The following RSBN1L variants were observed in gnomAD, a reference collection of about 807,000 sequenced individuals.
The protein encoded by RSBN1L is lysine-specific demethylase RSBN1L.
A neutral mutation model predicts 67.7 loss-of-function variants in RSBN1L; 30 were observed. The observed-to-expected ratio is 0.44, with a 90% CI of 0.33 to 0.60. RSBN1L has a LOEUF of 0.60. Among genes scored for constraint, RSBN1L ranks in the 20% least tolerant of loss-of-function variants. The pLI, the probability that RSBN1L is intolerant of heterozygous loss-of-function variation, is 0.02. For missense variants in RSBN1L, 992 were observed against 1,031.7 expected, an observed-to-expected ratio of 0.96 and a Z score of 0.53; for synonymous variants, 433 against 387.0, an observed-to-expected ratio of 1.12 and a Z score of -1.39.
chr7:77,778,744 A>T lies in RSBN1L; in HGVS notation c.2117A>T (p.His706Leu), dbSNP rs556838369. 1.2e-6 allele frequency: 2 copies of T among 1,614,042 alleles called. No individual in the cohort carries two copies. The highest frequency in any genetic ancestry group is 1.7e-5 in the Admixed American group (1 of 60,008). ...GACACTTCTCAGAATACAGCTACTC[A>T]TGAAACAGGCACATCATCAGATTCC... is the stretch of plus-strand genomic sequence containing the variant. ...EEDTSQNTAT[H>L]ETGTSSDSTS... Residue 706 changes from histidine to leucine, a missense_variant, in exon 8 of 8, where the codon CAT becomes CTT. His to Leu is a moderately conservative substitution (Grantham distance 99). Around this residue, in one of 7 missense-constraint regions of RSBN1L, gnomAD observed 199 missense variants for 167.7 expected, o/e 1.19. Transcript: ENST00000334955.
chr7:77,713,581 C>T (rs1183991902), intron 1 of RSBN1L, among the ~76,000 whole-genome samples: 4 of 151,924 alleles, frequency 2.6e-5, no homozygotes, highest in Non-Finnish European at 5.9e-5. Flanking sequence ...TGGTCTCGAT[C>T]TCCTGACCTC....
At chr7:77,735,159 GAATTT>G (rs1172189759) in intron 1 of RSBN1L, among the ~76,000 whole-genome samples, 3 of 151,948 alleles carry the variant, frequency 2.0e-5, no homozygotes, top group African/African-American at 7.2e-5. Context: ...ATTAGCACAT[GAATTT>G]AATTTTTTGA....
Position 77,749,837 on chromosome 7 carries a change from T to C in RSBN1L, c.1117T>C (p.Ser373Pro). 1 of 1,614,184 alleles carries C rather than the reference T, an allele frequency of 6.2e-7. No homozygotes were observed. The highest frequency in any genetic ancestry group is 1.7e-5 in the Admixed American group (1 of 60,030). Residue 373 changes from serine to proline, a missense_variant, in exon 3 of 8, where the codon TCT becomes CCT. Coordinates refer to ENST00000334955, the MANE Select transcript of RSBN1L (RefSeq NM_198467.3). ...CTACAGTAACGAACTCTCCCACCTG[T>C]CTCCTATGGAGATGGAGAGGTTTGC... Reference protein sequence around the residue: ...HAYSNELSHLSPMEMERFAEE... With the variant: ...HAYSNELSHLPPMEMERFAEE...
At chr7:77,756,227 G>C (rs1791615596) in intron 3 of RSBN1L, among the ~76,000 whole-genome samples, 1 of 151,940 alleles carries the variant, frequency 6.6e-6, no homozygotes, top group Non-Finnish European at 1.5e-5. Flanking sequence ...TGTCTCCCGG[G>C]TTCAAGCGGT....
intron 1 of RSBN1L, among the ~76,000 whole-genome samples, chr7:77,708,730 G>T (rs1057314471): frequency 1.3e-5 from 2 of 152,120 alleles, no homozygotes; most frequent in Non-Finnish European, 2.9e-5. Flanking sequence ...TTTTTAGGAG[G>T]GTGATAATAT....
intron 3 of RSBN1L, among the ~76,000 whole-genome samples, chr7:77,765,113 T>C (rs775195586): frequency 2.8e-4 from 42 of 152,218 alleles, no homozygotes; most frequent in Non-Finnish European, 4.9e-4. Flanking sequence ...TGAAAAGATA[T>C]GAACTTCATT....
intron 1 of RSBN1L, among the ~76,000 whole-genome samples, chr7:77,728,135 T>G (rs1299174058): frequency 6.6e-6 from 1 of 152,190 alleles, no homozygotes; most frequent in African/African-American, 2.4e-5. Context: ...TCTGCTCTTT[T>G]ATGCTGGGTC....
chr7:77,769,551 G>GA, intron 5 of RSBN1L, among the ~76,000 whole-genome samples: 1 of 152,280 alleles, frequency 6.6e-6, no homozygotes, highest in South Asian at 2.1e-4. Context: ...TTTAAGCCTG[G>GA]AGGAGACCTT....
intron 1 of RSBN1L, among the ~76,000 whole-genome samples, chr7:77,718,890 G>A (rs919558078): frequency 6.6e-6 from 1 of 152,154 alleles, no homozygotes; most frequent in African/African-American, 2.4e-5. Context: ...TGGCTGGTCT[G>A]GTATGGAAGG....
chr7:77,759,019 G>A (rs1791661011), intron 3 of RSBN1L, among the ~76,000 whole-genome samples: 1 of 152,160 alleles, frequency 6.6e-6, no homozygotes, highest in Admixed American at 6.5e-5. Flanking sequence ...GGTAACTTAT[G>A]TCAAAGTGTT....
chr7:77,771,182 C>T (rs1190468488), intron 5 of RSBN1L, among the ~76,000 whole-genome samples: 1 of 152,210 alleles, frequency 6.6e-6, no homozygotes, highest in Non-Finnish European at 1.5e-5. Flanking sequence ...TCTCGTGATC[C>T]TCCTGCCTCG....
chr7:77,759,978 A>G (rs1156439791), intron 3 of RSBN1L, among the ~76,000 whole-genome samples: 2 of 152,184 alleles, frequency 1.3e-5, no homozygotes, highest in Non-Finnish European at 2.9e-5. Context: ...GTTTTGGGAA[A>G]CAGCAGGTTG....
intron 2 of RSBN1L, among the ~76,000 whole-genome samples, chr7:77,747,066 G>A (rs1791493990): frequency 6.6e-6 from 1 of 152,072 alleles, no homozygotes. Context: ...TCTGGGGTCT[G>A]GAGGACAGTG....
At chr7:77,756,508 G>A (rs1166727361) in intron 3 of RSBN1L, among the ~76,000 whole-genome samples, 1 of 152,098 alleles carries the variant, frequency 6.6e-6, no homozygotes, top group Admixed American at 6.6e-5. Context: ...TGGGTGTGGT[G>A]GCTCATGCCT....
intron 1 of RSBN1L, among the ~76,000 whole-genome samples, chr7:77,728,891 G>A (rs1305550309): frequency 6.6e-6 from 1 of 152,146 alleles, no homozygotes; most frequent in Admixed American, 6.5e-5. Context: ...CTGTACCTCA[G>A]GTTTGAGTTC....
Position 77,778,546 on chromosome 7 carries a change from A to G in RSBN1L, c.1919A>G (p.Asp640Gly). ...PPLSQCVQWV[D>G]DAKLNQLRRE... The stretch of plus-strand genomic sequence containing the variant: ...ATTTTTTAGTGTGTCCAATGGGTTG[A>G]TGATGCAAAACTGAATCAACTGAGG... Residue 640 changes from aspartate (D) to glycine (G), a missense_variant, in exon 8 of 8, where the codon GAT becomes GGT. This residue lies in a region of RSBN1L where 55 missense variants were observed against 112.8 expected (regional missense o/e 0.49). Coordinates refer to ENST00000334955, the MANE Select transcript of RSBN1L (RefSeq NM_198467.3). The G allele has an allele frequency of 6.2e-7, 1 of 1,612,056 alleles. No homozygotes were observed. Among genetic ancestry groups the G allele is most frequent in the African/African-American group, 1.3e-5 (1 of 75,000 alleles).
At chr7:77,721,374 T>TA (rs2150416189) in intron 1 of RSBN1L, among the ~76,000 whole-genome samples, 1 of 152,276 alleles carries the variant, frequency 6.6e-6, no homozygotes, top group East Asian at 1.9e-4. Flanking sequence ...AGCACCATTC[T>TA]AGGTTCTACA....
chr7:77,770,483 G>C (rs11972122), intron 5 of RSBN1L, among the ~76,000 whole-genome samples: 86,703 of 151,950 alleles, frequency 0.57, 26,645 homozygotes, highest in African/African-American at 0.81. Flanking sequence ...GAGTTCAGGA[G>C]CAGCCTGAGC....
chr7:77,722,284 G>A (rs1158536528), intron 1 of RSBN1L, among the ~76,000 whole-genome samples: 2 of 152,154 alleles, frequency 1.3e-5, no homozygotes, highest in Non-Finnish European at 2.9e-5. Flanking sequence ...TTTACATCAT[G>A]TGAGTGCATT....
Sources: allele counts gnomAD v4.1 joint callset (sites outside exome capture counted in the v4.1 genomes callset), GRCh38; gene constraint gnomAD v4.1.1; regional missense constraint gnomAD v4.1.1; transcripts MANE v1.5; gene names NCBI Gene and HGNC (gene_info 2026-07-23, HGNC 2026-07-21).